Variants in ACSF2 observed in about 807,000 individuals in gnomAD.
ACSF2 encodes the protein medium-chain acyl-CoA ligase ACSF2, mitochondrial.
Under a neutral mutation model 79.3 loss-of-function variants are expected in ACSF2, and 52 were observed. The observed-to-expected ratio is 0.66, with a 90% CI of 0.53 to 0.83. ACSF2 has a LOEUF of 0.83. ACSF2 is among the 40% of genes least tolerant of loss of function. ACSF2 has a pLI of 0.00. For synonymous variants in ACSF2, 283 were observed against 312.6 expected (o/e 0.91, Z 1.00); for missense variants, 661 against 803.3 (o/e 0.82, Z 2.14).
chr17:50,455,567 A>T (rs901310006), intron 1 of ACSF2, among the ~76,000 whole-genome samples: 1 of 152,132 alleles, frequency 6.6e-6, no homozygotes, highest in South Asian at 2.1e-4. Context: ...CTCCAGCCCC[A>T]TGGGGTTGAC....
At chr17:50,430,880 C>G (rs559418504) in intron 1 of ACSF2, among the ~76,000 whole-genome samples, 1 of 152,286 alleles carries the variant, frequency 6.6e-6, no homozygotes, top group South Asian at 2.1e-4. Context: ...TCTCATGTCT[C>G]TCTGGGCTTG....
chr17:50,460,549 T>A, intron 1 of ACSF2, 128 bp from the exon 2 acceptor site: 1 of 803,504 alleles, frequency 1.2e-6, no homozygotes, highest in Non-Finnish European at 1.9e-6. Context: ...CAAGAAGATC[T>A]GGAGGAAACC....
intron 1 of ACSF2, among the ~76,000 whole-genome samples, 196 bp downstream of exon 1, chr17:50,426,585 G>T (rs936031680): frequency 1.3e-5 from 2 of 152,230 alleles, no homozygotes; most frequent in African/African-American, 4.8e-5. Context: ...TGGGGAGGGG[G>T]CTTTGGTTGG....
At chr17:50,461,003 T>C (rs2032297182) in intron 2 of ACSF2, 131 bp downstream of exon 2, 1 of 1,206,896 alleles carries the variant, frequency 8.3e-7, no homozygotes. Flanking sequence ...CCCCGAGGGA[T>C]GGCAGGAGAA....
chr17:50,462,377 C>T, intron 5 of ACSF2, 43 bp from the exon 6 acceptor site: 1 of 1,606,618 alleles, frequency 6.2e-7, no homozygotes, highest in Non-Finnish European at 8.5e-7. Context: ...CCACCCTGCC[C>T]CCTCCCTCAG....
At chr17:50,448,792 G>A (rs2031461490) in intron 1 of ACSF2, among the ~76,000 whole-genome samples, 1 of 152,078 alleles carries the variant, frequency 6.6e-6, no homozygotes, top group African/African-American at 2.4e-5. Flanking sequence ...GTAAGATTGA[G>A]GTGGCCTTTG....
intron 10 of ACSF2, chr17:50,468,936 C>T: frequency 2.1e-6 from 3 of 1,404,888 alleles, no homozygotes; most frequent in South Asian, 1.6e-5. Context: ...AGCCGGCAGC[C>T]GAGCCAGCTC....
intron 1 of ACSF2, among the ~76,000 whole-genome samples, chr17:50,443,446 T>G (rs759656898): frequency 6.6e-6 from 1 of 152,240 alleles, no homozygotes; most frequent in Non-Finnish European, 1.5e-5. Flanking sequence ...TAAAAAGCTC[T>G]TAAGTATCAG....
rs747835853 is a variant in ACSF2, at chr17:50,474,468, G to C, written c.1798-34G>C. ...CCTTATTCTTGGGTGAACCAAGACA[G>C]CTGGTAACCCTAACTCCATTTTCTT... On this transcript the variant is annotated intron_variant, in intron 15 of 15. Coordinates refer to ENST00000300441, the MANE Select transcript of ACSF2 (RefSeq NM_025149.6). The surrounding 1 kb of genome is among the most constrained non-coding windows in gnomAD (Gnocchi z 4.2). The C allele has an allele frequency of 1.9e-6, 3 of 1,610,252 alleles. No homozygotes were observed. Among genetic ancestry groups the C allele is most frequent in the Admixed American group, 3.3e-5 (2 of 59,984 alleles).
At chr17:50,438,916 T>C (rs1283245970) in intron 1 of ACSF2, among the ~76,000 whole-genome samples, 1 of 152,280 alleles carries the variant, frequency 6.6e-6, no homozygotes, top group Admixed American at 6.5e-5. Context: ...GCAGAAACCA[T>C]GGATACAGAG....
chr17:50,461,066 T>G, intron 2 of ACSF2, 176 bp from the exon 3 acceptor site: 1 of 1,156,098 alleles, frequency 8.6e-7, no homozygotes, highest in Non-Finnish European at 1.2e-6. Context: ...CAGCAGCTCC[T>G]GGGGCACCTG....
intron 10 of ACSF2, among the ~76,000 whole-genome samples, chr17:50,470,535 G>T (rs2033065311): frequency 1.3e-5 from 2 of 152,144 alleles, no homozygotes; most frequent in Non-Finnish European, 2.9e-5. Flanking sequence ...AGGGTTTGCA[G>T]AATGCGGGGG....
chr17:50,453,988 A>G (rs546968826), intron 1 of ACSF2, among the ~76,000 whole-genome samples: 23 of 151,874 alleles, frequency 1.5e-4, no homozygotes, highest in Admixed American at 1.3e-3. Flanking sequence ...ACATGGCAAA[A>G]CCCCATCTCT....
At position 50,464,767 on chromosome 17, in the gene ACSF2, C is replaced by CT. The variant is rs547285186; in HGVS notation, c.1215+475dup. 1.7e-3 allele frequency: 230 copies of CT among 136,016 alleles called. 19 individuals carry two copies. The highest frequency in any genetic ancestry group is 0.012 in the South Asian group (225 of 19,394). The allele number at this position is 136,016 out of a possible 1,614,324, so 8.4% of individuals were successfully genotyped here. ...ACCAACCTGTTGTGGTTCTGATTGA[C>CT]TTGGGGGGGGGGTCTCAGCAACAGC... On this transcript the variant is annotated intron_variant, in intron 10 of 15. Transcript: ENST00000300441.
intron 1 of ACSF2, among the ~76,000 whole-genome samples, chr17:50,440,474 T>C (rs2030812527): frequency 6.6e-6 from 1 of 152,112 alleles, no homozygotes; most frequent in African/African-American, 2.4e-5. Context: ...ACAAACAGCT[T>C]CTCCTCTTAT....
chr17:50,426,581 G>A (rs1915010944), intron 1 of ACSF2, among the ~76,000 whole-genome samples, 192 bp downstream of exon 1: 1 of 152,228 alleles, frequency 6.6e-6, no homozygotes, highest in Admixed American at 6.5e-5. Flanking sequence ...TGGGTGGGGA[G>A]GGGGCTTTGG....
At chr17:50,428,412 G>A (rs576548469) in intron 1 of ACSF2, among the ~76,000 whole-genome samples, 37 of 152,024 alleles carry the variant, frequency 2.4e-4, no homozygotes, top group African/African-American at 5.5e-4. Flanking sequence ...CCTGGGAGGC[G>A]GTGGTTGTAG....
chr17:50,464,792 C>T, intron 10 of ACSF2: 1 of 343,152 alleles, frequency 2.9e-6, no homozygotes, highest in Non-Finnish European at 5.7e-6. Flanking sequence ...TCAGCAACAG[C>T]TTCTCCAAGA....
At chr17:50,462,998 C>T in intron 6 of ACSF2, 158 bp from the exon 7 acceptor site, 1 of 666,500 alleles carries the variant, frequency 1.5e-6, no homozygotes, top group Non-Finnish European at 2.6e-6. Context: ...ACCCTGACAC[C>T]TGGTATCGTG....
Sources: allele counts gnomAD v4.1 joint callset (sites outside exome capture counted in the v4.1 genomes callset), GRCh38; gene constraint gnomAD v4.1.1; non-coding constraint Gnocchi (gnomAD v3.1); transcripts MANE v1.5; gene names NCBI Gene and HGNC (gene_info 2026-07-23, HGNC 2026-07-21).